Variants in CNTRL observed in about 807,000 individuals in gnomAD.
The protein encoded by CNTRL is 110 kDa centrosomal protein.
A neutral mutation model predicts 303.7 loss-of-function variants in CNTRL; 233 were observed. The observed-to-expected ratio is 0.77, with a 90% CI of 0.69 to 0.86. The LOEUF (loss-of-function observed/expected upper bound fraction) is 0.86, where lower values mean the gene tolerates loss of function less well. Among genes scored for constraint, CNTRL ranks in the 40% least tolerant of loss-of-function variants. The pLI is 0.00. For synonymous variants in CNTRL, 900 were observed against 922.2 expected, an observed-to-expected ratio of 0.98 and a Z score of 0.44; for missense variants, 2,524 against 2,650.6, an observed-to-expected ratio of 0.95 and a Z score of 1.05.
At chr9:121,075,358 C>T (rs1053296306) in intron 1 of CNTRL, among the ~76,000 whole-genome samples, 1 of 152,074 alleles carries the variant, frequency 6.6e-6, no homozygotes, top group Non-Finnish European at 1.5e-5. Flanking sequence ...TAGGGTGCGG[C>T]GCCCAGAAGG....
In CNTRL at chr9:121,138,804, G is replaced by C. The variant is rs578219255; in HGVS notation, c.2337+125G>C. ...GCAATTTGAATTACTAGAAAAAAGG[G>C]AATTCTGGGTGGAGCAGCACCATAG... is the stretch of plus-strand genomic sequence containing the variant. On this transcript the variant is annotated intron_variant, in intron 16 of 43. Transcript: ENST00000373855. 149 of 912,020 alleles carry C rather than the reference G, an allele frequency of 1.6e-4. 3 individuals are homozygous for C. The South Asian group carries it at 2.6e-3, about 16-fold the overall frequency. The allele number at this position is 912,020 out of a possible 1,614,324, so 56.5% of individuals were successfully genotyped here.
intron 9 of CNTRL, 107 bp downstream of exon 9, chr9:121,112,685 C>T: frequency 8.6e-7 from 1 of 1,157,250 alleles, no homozygotes; most frequent in South Asian, 1.4e-5. Context: ...GATATCACTC[C>T]ACTTTCTTGT....
At chr9:121,161,238 G>A in intron 32 of CNTRL, 1 of 431,102 alleles carries the variant, frequency 2.3e-6, no homozygotes. Flanking sequence ...AAATAATGGT[G>A]GGTTTTCATT....
chr9:121,157,590 C>T lies in CNTRL; in HGVS notation c.4486C>T (p.Gln1496Ter), dbSNP rs749891425. The T allele has an allele frequency of 8.1e-6, 13 of 1,613,814 alleles. No individual in the cohort carries two copies. In the South Asian group the frequency reaches 8.8e-5, roughly 11 times the overall value. Residue 1496 changes from glutamine to a stop codon, truncating the protein, a stop_gained, in exon 28 of 44, where the codon CAG (glutamine) becomes TAG (stop). Coordinates refer to ENST00000373855, the MANE Select transcript of CNTRL (RefSeq NM_007018.6). LOFTEE classifies it high-confidence loss of function. ...TGCTGTTAACCTCGTCAAAGCTGAT[C>T]AGCAGCTAAGGTAGGTGGATTCCCT... is the stretch of plus-strand genomic sequence containing the variant. The part of the protein sequence containing the change: ...ETAVNLVKAD[Q>*]QLRSLQADAK...
intron 14 of CNTRL, among the ~76,000 whole-genome samples, chr9:121,127,929 A>G (rs1334444637): frequency 6.6e-6 from 1 of 151,902 alleles, no homozygotes; most frequent in Non-Finnish European, 1.5e-5. Context: ...TTTGCAAAGA[A>G]TGATGGTTTC....
chr9:121,132,878 T>G (rs749449757), intron 14 of CNTRL, among the ~76,000 whole-genome samples: 27 of 152,212 alleles, frequency 1.8e-4, no homozygotes, highest in Admixed American at 3.3e-4. Context: ...TAGTTTTCCT[T>G]CTAACAGTCA....
intron 19 of CNTRL, 84 bp from the exon 20 acceptor site, chr9:121,143,819 G>GA: frequency 9.5e-7 from 1 of 1,054,680 alleles, no homozygotes; most frequent in Non-Finnish European, 1.4e-6. Flanking sequence ...GCAGTGAACA[G>GA]AGTCCCTACC....
rs1380671093 is a variant in CNTRL, at chr9:121,107,931, A to T, written c.938A>T (p.Glu313Val). ...AAATTGAATAAATCATTAAAAGAGG[A>T]GGCCATGTTACAGAAACAGAGCTGT... ...QDKLNKSLKEEAMLQKQSCEE... is the reference protein window; with the variant it reads ...QDKLNKSLKEVAMLQKQSCEE... The change falls in exon 8 of 44, where the codon GAG becomes GTG. Residue 313 changes from glutamate (E) to valine (V), a missense_variant. Glu to Val is a moderately radical substitution (Grantham distance 121, BLOSUM62 -2). Transcript: ENST00000373855. 6.2e-7 allele frequency: 1 copy of T among 1,607,966 alleles called. No individual in the cohort carries two copies. Among genetic ancestry groups the T allele is most frequent in the Admixed American group, 1.7e-5 (1 of 58,268 alleles).
intron 1 of CNTRL, among the ~76,000 whole-genome samples, chr9:121,078,875 T>C (rs1287405889): frequency 1.3e-5 from 2 of 152,222 alleles, no homozygotes; most frequent in Non-Finnish European, 2.9e-5. Flanking sequence ...CCACACCCTC[T>C]CTGGGTGGAT....
chr9:121,173,734 C>T lies in CNTRL; in HGVS notation c.6744C>T (p.Leu2248=). Reference sequence around the variant, plus strand: ...AACTGCGTCACCGGGAAGACCGACTCAAGGTTGCCCTTTAAAACAAACAAA... The same window carrying T: ...AACTGCGTCACCGGGAAGACCGACTTAAGGTTGCCCTTTAAAACAAACAAA... ...REKLRHREDR[L]KAQLRHCMSK... Residue 2248 remains leucine (L), a synonymous_variant, in exon 42 of 44, where the codon CTC becomes CTT. Coordinates refer to ENST00000373855, the MANE Select transcript of CNTRL (RefSeq NM_007018.6). 2.5e-6 allele frequency: 4 copies of T among 1,614,028 alleles called. No individual in the cohort carries two copies. Among genetic ancestry groups the T allele is most frequent in the Non-Finnish European group, 3.4e-6 (4 of 1,179,926 alleles).
rs569559465 is a variant in CNTRL, at chr9:121,125,970, T to C, written c.2025+34T>C. 55 of 1,548,784 alleles carry C rather than the reference T, an allele frequency of 3.6e-5. 1 individual carries two copies. The Middle Eastern group carries it at 5.1e-4, about 14-fold the overall frequency. On this transcript the variant is annotated intron_variant, in intron 14 of 43. Transcript: ENST00000373855. ...TTTTTCCTGCCTATTTTCCGTAGCT[T>C]CATAAGTAGATAATGTCCAAATTAA...
rs144461674 is a variant in CNTRL, at chr9:121,135,188, A to G, written c.2026-618A>G. Among the ~76,000 whole-genome samples, 28 of 152,306 alleles carry G rather than the reference A, an allele frequency of 1.8e-4. No homozygotes were observed. The East Asian group carries it at 5.4e-3, about 29-fold the overall frequency. On this transcript the variant is annotated intron_variant, in intron 14 of 43. Transcript: ENST00000373855. ...AATATGTACTTATATTCTTGTTAGC[A>G]CTCATTTAAGGTACTCTTATCATCC... is the stretch of plus-strand genomic sequence containing the variant.
Position 121,096,498 on chromosome 9 carries a change from G to T in CNTRL, c.556G>T (p.Val186Leu), listed in dbSNP as rs1479435058. The change falls in exon 6 of 44, where the codon GTA (valine) becomes TTA (leucine). Residue 186 changes from valine to leucine, a missense_variant. By Grantham distance (32) the Val-to-Leu change is conservative (BLOSUM62 1). Coordinates refer to ENST00000373855, the MANE Select transcript of CNTRL (RefSeq NM_007018.6). ...LAGNEIEHIP[V>L]WLGKKLKSLR... The stretch of plus-strand genomic sequence containing the variant: ...AGGAAATGAAATTGAGCATATTCCA[G>T]TATGGTTAGGGAAGAAGTTAAAATC... 8 of 1,568,980 alleles carry T rather than the reference G, an allele frequency of 5.1e-6. No individual in the cohort carries two copies. The Admixed American group carries it at 1.4e-4, about 27-fold the overall frequency.
chr9:121,109,100 A>G (rs1225661495), intron 8 of CNTRL, among the ~76,000 whole-genome samples: 1 of 152,164 alleles, frequency 6.6e-6, no homozygotes, highest in Non-Finnish European at 1.5e-5. Context: ...CAAGTCCTTT[A>G]TGTAAAATGG....
At chr9:121,094,246 G>A (rs1268457641) in intron 4 of CNTRL, among the ~76,000 whole-genome samples, 1 of 152,048 alleles carries the variant, frequency 6.6e-6, no homozygotes, top group African/African-American at 2.4e-5. Context: ...TTGGCTCACC[G>A]TTCTGGAGGC....
At chr9:121,123,655 A>G (rs550703958) in intron 12 of CNTRL, among the ~76,000 whole-genome samples, 13 of 152,238 alleles carry the variant, frequency 8.5e-5, no homozygotes, top group Admixed American at 7.2e-4. Flanking sequence ...ATGCAACGCA[A>G]ATAACACTGA....
intron 7 of CNTRL, among the ~76,000 whole-genome samples, chr9:121,099,944 G>C (rs898945294): frequency 1.6e-4 from 24 of 152,220 alleles, no homozygotes; most frequent in Non-Finnish European, 2.4e-4. Context: ...TGGTGTACCT[G>C]AAAGTGACAG....
At chr9:121,142,316 T>G (rs372942437) in intron 19 of CNTRL, 46 bp downstream of exon 19, 1 of 1,525,082 alleles carries the variant, frequency 6.6e-7, no homozygotes, top group African/African-American at 1.4e-5. Context: ...CTGCTGCCAG[T>G]GTCCTGCCCA....
At chr9:121,110,414 T>C (rs1461085159) in intron 8 of CNTRL, among the ~76,000 whole-genome samples, 1 of 152,140 alleles carries the variant, frequency 6.6e-6, no homozygotes, top group African/African-American at 2.4e-5. Flanking sequence ...ATGCCAATAC[T>C]AAAAGCCATG....
Sources: allele counts gnomAD v4.1 joint callset (sites outside exome capture counted in the v4.1 genomes callset), GRCh38; gene constraint gnomAD v4.1.1; transcripts MANE v1.5; gene names NCBI Gene and HGNC (gene_info 2026-07-23, HGNC 2026-07-21).